The following TIMP1 variants were observed in gnomAD, a reference collection of about 807,000 sequenced individuals.
TIMP1 encodes metalloproteinase inhibitor 1.
TIMP1 carries 5 observed loss-of-function variants against 13.7 expected under a neutral mutation model. The ratio of observed to expected loss-of-function variants is 0.36; its 90% CI spans 0.19 to 0.76. The LOEUF (loss-of-function observed/expected upper bound fraction) is 0.76, where lower values mean the gene tolerates loss of function less well. TIMP1 is among the 30% of genes least tolerant of loss of function. The pLI is 0.51. For missense variants in TIMP1, 131 were observed against 168.4 expected, an observed-to-expected ratio of 0.78 and a Z score of 1.23; for synonymous variants, 63 against 67.1, an observed-to-expected ratio of 0.94 and a Z score of 0.30.
At position 47,585,229 on chromosome X, in the gene TIMP1, G is replaced by C. The variant is rs182947561; in HGVS notation, c.226G>C (p.Gly76Arg). 1 of 1,197,581 alleles carries C rather than the reference G, an allele frequency of 8.4e-7. No homozygotes were observed. The highest frequency in any genetic ancestry group is 3.0e-5 in the East Asian group (1 of 33,593). The change falls in exon 4 of 6, where the codon GGG becomes CGG. Residue 76 changes from glycine to arginine, a missense_variant. By Grantham distance (125) the Gly-to-Arg change is moderately radical. Transcript: ENST00000218388. ...TKMYKGFQAL[G>R]DAADIRFVYT... is the part of the protein sequence containing the mutation. ...GATGTATAAAGGGTTCCAAGCCTTA[G>C]GGGATGCCGCTGACATCCGGTTCGT...
Position 47,586,753 on chromosome X carries a change from T to C in TIMP1, c.*62T>C. On this transcript the variant is annotated 3_prime_UTR_variant, in exon 6 of 6. Transcript: ENST00000218388. ...TCCACCCTGTTCCCACTCCCATCTT[T>C]CTTCCGGACAATGAAATAAAGAGTT... The C allele has an allele frequency of 8.7e-7, 1 of 1,145,126 alleles. No individual in the cohort carries two copies. The highest frequency in any genetic ancestry group is 1.2e-6 in the Non-Finnish European group (1 of 854,246). The allele number at this position is 1,145,126 out of a possible 1,213,427, so 94.4% of individuals were successfully genotyped here.
At chrX:47,584,451 G>A (rs917871545) in intron 2 of TIMP1, among the ~76,000 whole-genome samples, 2 of 111,968 alleles carry the variant, frequency 1.8e-5, no homozygotes, top group African/African-American at 6.5e-5. Context: ...GGGCCTAGGA[G>A]GAGGTTCAGG....
intron 5 of TIMP1, chrX:47,585,956 C>A: frequency 9.3e-7 from 1 of 1,075,182 alleles, no homozygotes; most frequent in Non-Finnish European, 1.2e-6. Flanking sequence ...CGTTCCTGAG[C>A]CCCCGGGATT....
chrX:47,582,714 C>A (rs2057803944), intron 1 of TIMP1: 1 of 220,275 alleles, frequency 4.5e-6, no homozygotes, highest in Non-Finnish European at 8.8e-6. Flanking sequence ...AAACCCATGA[C>A]CCCCTAATAT....
intron 4 of TIMP1, 26 bp from the exon 5 acceptor site, chrX:47,585,517 G>T (rs760037592): frequency 8.4e-7 from 1 of 1,197,593 alleles, no homozygotes; most frequent in Admixed American, 2.2e-5. Flanking sequence ...GCTGCTTGTC[G>T]GTCCCCGCCC....
At position 47,586,613 on chromosome X, in the gene TIMP1, C is replaced by G; in HGVS notation, c.546C>G (p.Phe182Leu). The G allele has an allele frequency of 8.3e-7, 1 of 1,212,117 alleles. No homozygotes were observed. The highest frequency in any genetic ancestry group is 3.0e-5 in the East Asian group (1 of 33,869). ...DQLLQGSEKG[F>L]QSRHLACLPR... ...TCCTCCAAGGCTCTGAAAAGGGCTT[C>G]CAGTCCCGTCACCTTGCCTGCCTGC... The change falls in exon 6 of 6, where the codon TTC (phenylalanine) becomes TTG (leucine). Residue 182 changes from phenylalanine to leucine, a missense_variant. Coordinates refer to ENST00000218388, the MANE Select transcript of TIMP1 (RefSeq NM_003254.3).
chrX:47,585,101 G>A (rs1327074241), intron 3 of TIMP1, 86 bp downstream of exon 3: 11 of 1,165,602 alleles, frequency 9.4e-6, no homozygotes, highest in Admixed American at 4.8e-5. Context: ...TGGTTGGTGC[G>A]AGAAAGTTGG....
rs1275037504 is a variant in TIMP1 at position 47,585,027 on chromosome X, C to T, written c.201+12C>T. The T allele has an allele frequency of 8.3e-7, 1 of 1,206,808 alleles. No individual in the cohort carries two copies. The highest frequency in any genetic ancestry group is 2.2e-5 in the Admixed American group (1 of 45,519). On this transcript the variant is annotated intron_variant, in intron 3 of 5. Transcript: ENST00000218388. ...TCAAGATGACCAAGGTATCCCCTGCCCCCGCCTCTTTCCCAGCATTTTCTA... is the reference window on the plus strand; with the variant it reads ...TCAAGATGACCAAGGTATCCCCTGCTCCCGCCTCTTTCCCAGCATTTTCTA...
At chrX:47,582,738 C>T (rs2057804064) in intron 1 of TIMP1, 4 of 207,942 alleles carry the variant, frequency 1.9e-5, no homozygotes, top group South Asian at 1.9e-4. Flanking sequence ...AAATGCTTTC[C>T]AAATCCCCCC....
At position 47,585,381 on chromosome X, in the gene TIMP1, G is replaced by A. The variant is rs774595401; in HGVS notation, c.328+50G>A. On this transcript the variant is annotated intron_variant, in intron 4 of 5. Coordinates refer to ENST00000218388, the MANE Select transcript of TIMP1 (RefSeq NM_003254.3). ...TGCCACACCAACCAGTCCCTGGGGC[G>A]CGGCCTAGCAACCACGAGGGGGCGA... is the stretch of plus-strand genomic sequence containing the variant. The A allele has an allele frequency of 4.2e-5, 51 of 1,206,765 alleles. No individual in the cohort carries two copies. The East Asian group carries it at 1.3e-3, about 31-fold the overall frequency.
intron 1 of TIMP1, 133 bp from the exon 2 acceptor site, chrX:47,583,275 C>CCAA (rs2057807386): frequency 2.3e-6 from 1 of 438,589 alleles, no homozygotes; most frequent in Admixed American, 4.2e-5. Flanking sequence ...CCTAAGCTTA[C>CCAA]CAACCCCTCA....
chrX:47,583,659 C>T (rs1042562806), intron 2 of TIMP1, 123 bp downstream of exon 2: 2 of 813,296 alleles, frequency 2.5e-6, no homozygotes, highest in Non-Finnish European at 1.7e-6. Context: ...TCTGCTTTAG[C>T]CACACTGGCA....
At chrX:47,586,211 C>T (rs746298231) in intron 5 of TIMP1, 4 of 753,071 alleles carry the variant, frequency 5.3e-6, no homozygotes, top group African/African-American at 2.3e-5. Flanking sequence ...AGCCGCCAAC[C>T]GGGTGGGGCC....
chrX:47,585,692 A>G (rs56322457), intron 5 of TIMP1, 25 bp downstream of exon 5: 146 of 1,205,660 alleles, frequency 1.2e-4, no homozygotes, highest in Non-Finnish European at 1.5e-4. Context: ...CCTGACCTCC[A>G]ACGGGAGATC....
chrX:47,583,621 G>A, intron 2 of TIMP1, 85 bp downstream of exon 2: 3 of 1,026,210 alleles, frequency 2.9e-6, no homozygotes, highest in Non-Finnish European at 3.9e-6. Context: ...CTTACCTCTA[G>A]AATGATTCCA....
At chrX:47,583,259 A>T (rs932603514) in intron 1 of TIMP1, 149 bp from the exon 2 acceptor site, 7 of 397,578 alleles carry the variant, frequency 1.8e-5, no homozygotes, top group Non-Finnish European at 3.0e-5. Context: ...CAATCCCCTT[A>T]AAATCCCTAA....
chrX:47,585,974 G>C lies in TIMP1; in HGVS notation c.453+307G>C, dbSNP rs183405040. On this transcript the variant is annotated intron_variant, in intron 5 of 5. Coordinates refer to ENST00000218388, the MANE Select transcript of TIMP1 (RefSeq NM_003254.3). ...TCCTGAGCCCCCGGGATTGTTTCTT[G>C]GTTCCCCAGAATGTTCTCCAAGAAC... 1.2e-4 allele frequency: 124 copies of C among 1,051,804 alleles called. No individual in the cohort carries two copies. In the South Asian group the frequency reaches 2.2e-3, roughly 19 times the overall value. 86.7% of individuals were successfully genotyped at this position (1,051,804 alleles called of 1,213,427 possible).
chrX:47,586,313 T>C, intron 5 of TIMP1: 1 of 754,309 alleles, frequency 1.3e-6, no homozygotes, highest in Non-Finnish European at 1.6e-6. Flanking sequence ...CAGCCACCAT[T>C]CCAGGACACT....
At position 47,583,278 on chromosome X, in the gene TIMP1, A is replaced by AC. The variant is rs747283862; in HGVS notation, c.-8-126dup. 5 of 445,945 alleles carry AC rather than the reference A, an allele frequency of 1.1e-5. No individual in the cohort carries two copies. In the East Asian group the frequency reaches 1.9e-4, roughly 17 times the overall value. The allele number at this position is 445,945 out of a possible 1,213,427, so 36.8% of individuals were successfully genotyped here. A position where few individuals can be genotyped will look rare whatever the true frequency, so the allele number is the denominator to read the frequency against. ...CCCCTTAAAATCCCTAAGCTTACCA[A>AC]CCCCTCAAGCCCAAATCCAGCCCCC... On this transcript the variant is annotated intron_variant, in intron 1 of 5. Coordinates refer to ENST00000218388, the MANE Select transcript of TIMP1 (RefSeq NM_003254.3).
Sources: gnomAD v4.1 joint callset for allele counts (sites outside exome capture counted in the v4.1 genomes callset) on GRCh38, gnomAD v4.1.1 for gene constraint, MANE v1.5 for transcripts, NCBI Gene and HGNC (gene_info 2026-07-23, HGNC 2026-07-21) for gene names.